The following HERPUD2 variants were observed in gnomAD, a reference collection of about 807,000 sequenced individuals.
HERPUD2 encodes the protein HERPUD family member 2.
HERPUD2 carries 13 observed loss-of-function variants against 49.9 expected under a neutral mutation model. That is an observed-to-expected ratio of 0.26 (90% CI 0.17 to 0.41). The LOEUF (loss-of-function observed/expected upper bound fraction) is 0.41, where lower values mean the gene tolerates loss of function less well. Ranked by LOEUF, HERPUD2 falls within the 10% of genes least tolerant of loss-of-function variation. HERPUD2 has a pLI of 1.00. For missense variants in HERPUD2, 449 were observed against 492.2 expected (o/e 0.91, Z 0.83); for synonymous variants, 172 against 171.4 (o/e 1.00, Z -0.03).
At position 35,634,314 on chromosome 7, in the gene HERPUD2, T is replaced by C. The variant is rs1784835259; in HGVS notation, c.1057A>G (p.Met353Val). 1.3e-5 allele frequency: 20 copies of C among 1,599,434 alleles called. No homozygotes were observed. Among genetic ancestry groups the C allele is most frequent in the Non-Finnish European group, 1.7e-5 (20 of 1,166,842 alleles). The change falls in exon 8 of 9, where the codon ATG becomes GTG. Residue 353 changes from methionine to valine, a missense_variant and splice_region_variant. Transcript: ENST00000311350. Reference protein sequence around the residue: ...QNANNLELEEMERLMDDGLED... With the variant: ...QNANNLELEEVERLMDDGLED... Reference sequence around the variant, plus strand: ...ATACAAAAGCTTCAATCACATACCATTTCTTCAAGTTCCAAGTTGTTTGCA... The same window carrying C: ...ATACAAAAGCTTCAATCACATACCACTTCTTCAAGTTCCAAGTTGTTTGCA...
chr7:35,676,299 G>C (rs1785761213), intron 2 of HERPUD2, among the ~76,000 whole-genome samples: 1 of 152,154 alleles, frequency 6.6e-6, no homozygotes, highest in Non-Finnish European at 1.5e-5. Flanking sequence ...TATTCCTGTA[G>C]TTCCTATACA....
chr7:35,643,816 G>T (rs147514815), intron 5 of HERPUD2, among the ~76,000 whole-genome samples: 2,831 of 147,314 alleles, frequency 0.019, 94 homozygotes, highest in African/African-American at 0.066. Context: ...AAACTAAAAA[G>T]AAAAAATAGA....
chr7:35,659,139 T>C (rs942454466), intron 5 of HERPUD2, among the ~76,000 whole-genome samples: 10 of 152,244 alleles, frequency 6.6e-5, no homozygotes, highest in African/African-American at 2.4e-4. Context: ...TTTATTTTGA[T>C]AGCAAATTGT....
intron 5 of HERPUD2, among the ~76,000 whole-genome samples, chr7:35,646,746 G>A (rs1311925709): frequency 1.3e-5 from 2 of 152,122 alleles, no homozygotes; most frequent in Non-Finnish European, 2.9e-5. Flanking sequence ...GGAAAACTGA[G>A]TAAGATAATA....
At chr7:35,670,145 G>T (rs1349028319) in intron 4 of HERPUD2, 70 bp downstream of exon 4, 4 of 663,196 alleles carry the variant, frequency 6.0e-6, no homozygotes, top group South Asian at 2.6e-5. Context: ...TTAGTTTTTA[G>T]AGGCAAAAAA....
chr7:35,669,941 T>C (rs548437845), intron 4 of HERPUD2, among the ~76,000 whole-genome samples: 28 of 152,174 alleles, frequency 1.8e-4, no homozygotes, highest in Non-Finnish European at 3.2e-4. Flanking sequence ...TTTCTGAGTA[T>C]TCCAGTAATT....
intron 2 of HERPUD2, among the ~76,000 whole-genome samples, chr7:35,681,549 A>G (rs1785891843): frequency 1.3e-5 from 2 of 152,240 alleles, no homozygotes; most frequent in South Asian, 2.1e-4. Context: ...TATTCTTAAT[A>G]GTCAAAAAAA....
intron 5 of HERPUD2, among the ~76,000 whole-genome samples, chr7:35,663,894 T>C (rs4723442): frequency 0.31 from 47,585 of 152,034 alleles, 8,148 homozygotes; most frequent in Non-Finnish European, 0.38. Context: ...CCCATTTACA[T>C]TTAAGGTTAA....
At chr7:35,661,394 T>C (rs1192635287) in intron 5 of HERPUD2, among the ~76,000 whole-genome samples, 1 of 152,022 alleles carries the variant, frequency 6.6e-6, no homozygotes, top group Admixed American at 6.6e-5. Context: ...ACTTTAGTTT[T>C]TTCCAATTCT....
intron 2 of HERPUD2, among the ~76,000 whole-genome samples, chr7:35,692,053 A>T (rs1410736618): frequency 6.6e-6 from 1 of 152,238 alleles, no homozygotes. Context: ...GGAGAAAAAA[A>T]GGTTTGCCAT....
intron 4 of HERPUD2, among the ~76,000 whole-genome samples, chr7:35,668,372 T>A (rs1379977136): frequency 6.6e-6 from 1 of 152,196 alleles, no homozygotes; most frequent in African/African-American, 2.4e-5. Flanking sequence ...ATAAACAATA[T>A]AACTCCCTGA....
chr7:35,674,902 A>G (rs1785727421), intron 2 of HERPUD2, among the ~76,000 whole-genome samples: 1 of 152,140 alleles, frequency 6.6e-6, no homozygotes, highest in Admixed American at 6.5e-5. Context: ...TCTCTCTTCC[A>G]TTTGTATCCT....
At chr7:35,656,555 CT>C (rs1785279299) in intron 5 of HERPUD2, among the ~76,000 whole-genome samples, 1 of 152,132 alleles carries the variant, frequency 6.6e-6, no homozygotes, top group African/African-American at 2.4e-5. Flanking sequence ...CACAATTTGA[CT>C]TGAAAATATA....
intron 5 of HERPUD2, among the ~76,000 whole-genome samples, chr7:35,655,519 T>G (rs907711275): frequency 1.3e-5 from 2 of 152,120 alleles, no homozygotes; most frequent in Admixed American, 6.5e-5. Context: ...CTCAACAAAC[T>G]AGGCATAGAC....
rs3999932 is a variant in HERPUD2, at chr7:35,674,404, TAGAGAGAGAGAGAGAGAGAGAGAG to T, written c.148-1150_148-1127del. 3.8e-3 allele frequency among the ~76,000 whole-genome samples: 146 copies of T among 38,130 alleles called. 6 individuals are homozygous for T. The highest frequency in any genetic ancestry group is 0.019 in the Middle Eastern group (1 of 52). 25.0% of individuals were successfully genotyped at this position (38,130 alleles called of 152,430 possible). On this transcript the variant is annotated intron_variant, in intron 2 of 8. Coordinates refer to ENST00000311350, the MANE Select transcript of HERPUD2 (RefSeq NM_022373.5). ...CTATATATATATATATATATATATA[TAGAGAGAGAGAGAGAGAGAGAGAG>T]AGAGAGAGAGAGAGAGAGAGAGAGA... is the stretch of plus-strand genomic sequence containing the variant.
At chr7:35,665,045 A>C (rs1046937409) in intron 5 of HERPUD2, among the ~76,000 whole-genome samples, 6 of 152,180 alleles carry the variant, frequency 3.9e-5, no homozygotes, top group African/African-American at 1.4e-4. Context: ...GATGCCTCCC[A>C]GTTAGGCTAC....
chr7:35,651,705 A>T (rs1010378927), intron 5 of HERPUD2, among the ~76,000 whole-genome samples: 6 of 152,296 alleles, frequency 3.9e-5, no homozygotes, highest in African/African-American at 1.4e-4. Flanking sequence ...TTCCAAAAGG[A>T]CGTAATTCTC....
chr7:35,694,061 C>T, intron 2 of HERPUD2, 123 bp downstream of exon 2: 2 of 944,124 alleles, frequency 2.1e-6, no homozygotes, highest in Non-Finnish European at 3.3e-6. Flanking sequence ...CTCAAAATAC[C>T]TCGCGGTCTA....
At chr7:35,687,359 C>A (rs573619005) in intron 2 of HERPUD2, among the ~76,000 whole-genome samples, 50 of 152,306 alleles carry the variant, frequency 3.3e-4, no homozygotes, top group African/African-American at 1.2e-3. Context: ...CTGGTACTCA[C>A]CCCTACATCC....
Sources: gnomAD v4.1 joint callset for allele counts (sites outside exome capture counted in the v4.1 genomes callset) on GRCh38, gnomAD v4.1.1 for gene constraint, MANE v1.5 for transcripts, NCBI Gene and HGNC (gene_info 2026-07-23, HGNC 2026-07-21) for gene names.